Variants in ZFAND3 observed in about 807,000 individuals in gnomAD.
ZFAND3 encodes the protein AN1-type zinc finger protein 3.
ZFAND3 carries 10 observed loss-of-function variants against 29.6 expected under a neutral mutation model. That is an observed-to-expected ratio of 0.34 (90% CI 0.21 to 0.57). ZFAND3 has a LOEUF of 0.57. Ranked by LOEUF, ZFAND3 falls within the 20% of genes least tolerant of loss-of-function variation. ZFAND3 has a pLI of 0.86. For missense variants in ZFAND3, 230 were observed against 304.5 expected, an observed-to-expected ratio of 0.76 and a Z score of 1.82; for synonymous variants, 128 against 112.6, an observed-to-expected ratio of 1.14 and a Z score of -0.87.
chr6:38,109,973 T>C (rs1018810818), intron 4 of ZFAND3, among the ~76,000 whole-genome samples: 1 of 152,190 alleles, frequency 6.6e-6, no homozygotes, highest in Non-Finnish European at 1.5e-5. Flanking sequence ...TCAGCCTTCC[T>C]GATCAGCCAT....
chr6:38,054,024 A>G (rs577446280), intron 2 of ZFAND3, among the ~76,000 whole-genome samples: 9 of 151,838 alleles, frequency 5.9e-5, no homozygotes, highest in Non-Finnish European at 1.2e-4. Context: ...ATTTATCATC[A>G]TTAGGATATA....
chr6:37,896,558 C>CTTTCTTTCTTTCTTTCTTTCTTTCTTTCT (rs1554153854), intron 1 of ZFAND3, among the ~76,000 whole-genome samples: 1 of 138,326 alleles, frequency 7.2e-6, no homozygotes, highest in Non-Finnish European at 1.6e-5. Flanking sequence ...TTCTTTCTTT[C>CTTTCTTTCTTTCTTTCTTTCTTTCTTTCT]TTTCTTTCTT....
chr6:38,043,449 C>A (rs1000575057), intron 2 of ZFAND3, among the ~76,000 whole-genome samples: 11 of 149,716 alleles, frequency 7.3e-5, no homozygotes, highest in African/African-American at 1.7e-4. Context: ...TATCCCCTCC[C>A]CGTCTCTTCT....
intron 2 of ZFAND3, among the ~76,000 whole-genome samples, chr6:37,932,048 A>T (rs2127413451): frequency 6.6e-6 from 1 of 152,262 alleles, no homozygotes; most frequent in Non-Finnish European, 1.5e-5. Flanking sequence ...AGGTGGGTGG[A>T]CCACGAGGTC....
At chr6:38,026,810 AGT>A (rs1209040071) in intron 2 of ZFAND3, among the ~76,000 whole-genome samples, 1 of 151,162 alleles carries the variant, frequency 6.6e-6, no homozygotes. Context: ...AGAGAGAGAG[AGT>A]GTAATTTAAT....
At chr6:38,116,538 T>TA (rs1562005277) in intron 4 of ZFAND3, 34 bp from the exon 5 acceptor site, 4 of 1,587,722 alleles carry the variant, frequency 2.5e-6, no homozygotes, top group Non-Finnish European at 3.4e-6. Context: ...GGCCAGGCAC[T>TA]AATCCTGATC....
intron 5 of ZFAND3, among the ~76,000 whole-genome samples, chr6:38,118,772 A>AG (rs965040488): frequency 1.3e-4 from 20 of 151,648 alleles, no homozygotes; most frequent in African/African-American, 1.7e-4. Context: ...AAGAAAAAAA[A>AG]AAAAACAGTA....
intron 1 of ZFAND3, among the ~76,000 whole-genome samples, chr6:37,821,121 G>A (rs1429386293): frequency 6.6e-6 from 1 of 152,232 alleles, no homozygotes. Flanking sequence ...AAGAAGTATG[G>A]AAGTAGTTTT....
At chr6:38,092,537 G>A (rs528592935) in intron 4 of ZFAND3, among the ~76,000 whole-genome samples, 2 of 152,268 alleles carry the variant, frequency 1.3e-5, no homozygotes, top group South Asian at 4.1e-4. Context: ...TATCTTCCTC[G>A]TGAAATGCTT....
intron 5 of ZFAND3, among the ~76,000 whole-genome samples, chr6:38,138,693 G>C (rs1434578916): frequency 2.0e-5 from 3 of 152,200 alleles, no homozygotes; most frequent in Non-Finnish European, 4.4e-5. Context: ...TGAGGAGTAA[G>C]GAAAAGAGAG....
intron 2 of ZFAND3, among the ~76,000 whole-genome samples, chr6:38,040,291 CTT>C (rs1763734962): frequency 6.6e-6 from 1 of 152,114 alleles, no homozygotes; most frequent in African/African-American, 2.4e-5. Context: ...GTAAAATTCA[CTT>C]AACATAAAAG....
chr6:38,136,429 C>A (rs532610074), intron 5 of ZFAND3, among the ~76,000 whole-genome samples: 7 of 152,336 alleles, frequency 4.6e-5, no homozygotes, highest in African/African-American at 1.7e-4. Context: ...TACTGCCTGA[C>A]TGCTGTCTTC....
At chr6:37,974,801 T>G (rs571916780) in intron 2 of ZFAND3, among the ~76,000 whole-genome samples, 1 of 152,348 alleles carries the variant, frequency 6.6e-6, no homozygotes, top group South Asian at 2.1e-4. Flanking sequence ...CTAAGTAGTA[T>G]TCCATTATGT....
chr6:38,013,774 C>G (rs371367259), intron 2 of ZFAND3, among the ~76,000 whole-genome samples: 1 of 151,730 alleles, frequency 6.6e-6, no homozygotes, highest in South Asian at 2.1e-4. Context: ...ACACCTCATA[C>G]ACGTGGAATC....
chr6:37,832,952 C>T (rs1763891636), intron 1 of ZFAND3: 1 of 152,214 alleles, frequency 6.6e-6, no homozygotes, highest in Non-Finnish European at 1.5e-5. Context: ...CCTCCCAAAA[C>T]ATTGGGACGG....
At chr6:37,871,672 C>T (rs1191197136) in intron 1 of ZFAND3, among the ~76,000 whole-genome samples, 6 of 152,060 alleles carry the variant, frequency 3.9e-5, no homozygotes, top group Non-Finnish European at 5.9e-5. Flanking sequence ...TAAAAAAATC[C>T]TTCTCTAATT....
intron 2 of ZFAND3, among the ~76,000 whole-genome samples, chr6:37,977,537 A>C (rs1207136961): frequency 6.6e-6 from 1 of 152,090 alleles, no homozygotes; most frequent in East Asian, 1.9e-4. Flanking sequence ...TCCTGACCTC[A>C]AGTGATCCGC....
chr6:38,038,330 A>ATTTT lies in ZFAND3; in HGVS notation c.113-23261_113-23260insTTTT, dbSNP rs562020391. Among the ~76,000 whole-genome samples the ATTTT allele has an allele frequency of 4.1e-3, 624 of 152,308 alleles. 7 individuals are homozygous for ATTTT. The highest frequency in any genetic ancestry group is 0.014 in the African/African-American group (591 of 41,582). On this transcript the variant is annotated intron_variant, in intron 2 of 5. Coordinates refer to ENST00000287218, the MANE Select transcript of ZFAND3 (RefSeq NM_021943.3). The stretch of plus-strand genomic sequence containing the variant: ...GATGCAGTGCAGCCTTTTGATTGCA[A>ATTTT]TTAAAAAGGAGATTCTGCTTAGCAT...
chr6:37,820,859 TC>T (rs1396163943), intron 1 of ZFAND3, among the ~76,000 whole-genome samples: 1 of 152,104 alleles, frequency 6.6e-6, no homozygotes, highest in African/African-American at 2.4e-5. Flanking sequence ...CTCCTCTTCC[TC>T]CCCCCATTAC....
Sources: allele counts gnomAD v4.1 joint callset (sites outside exome capture counted in the v4.1 genomes callset), GRCh38; gene constraint gnomAD v4.1.1; transcripts MANE v1.5; gene names NCBI Gene and HGNC (gene_info 2026-07-23, HGNC 2026-07-21).